Variants in YIPF4 observed in about 807,000 individuals in gnomAD.
The protein encoded by YIPF4 is Yip1 domain family member 4.
A neutral mutation model predicts 29.4 loss-of-function variants in YIPF4; 18 were observed. The ratio of observed to expected loss-of-function variants is 0.61; its 90% CI spans 0.42 to 0.91. The LOEUF is 0.91. Ranked by LOEUF, YIPF4 falls within the 40% of genes least tolerant of loss-of-function variation. The pLI is 0.00. For synonymous variants in YIPF4, 115 were observed against 104.7 expected, an observed-to-expected ratio of 1.10 and a Z score of -0.60; for missense variants, 279 against 282.7, an observed-to-expected ratio of 0.99 and a Z score of 0.09.
At chr2:32,297,478 G>C (rs2031237532) in intron 3 of YIPF4, among the ~76,000 whole-genome samples, 1 of 151,918 alleles carries the variant, frequency 6.6e-6, no homozygotes, top group Middle Eastern at 3.2e-3. Context: ...TTAGAAACCA[G>C]TTTCTGGGGT....
In YIPF4 at chr2:32,312,968, G is replaced by C. The variant is rs932297737; in HGVS notation, c.*7342G>C. 1.3e-4 allele frequency: 20 copies of C among 152,292 alleles called. No individual in the cohort carries two copies. The highest frequency in any genetic ancestry group is 4.8e-4 in the African/African-American group (20 of 41,424). 9.4% of individuals were successfully genotyped at this position (152,292 alleles called of 1,614,324 possible). On this transcript the variant is annotated 3_prime_UTR_variant, in exon 6 of 6. Transcript: ENST00000238831. ...ATCGCGCCACTGCACTCCCGCCTGG[G>C]TGACAGAGCGAGACTCTGTCTCAAA...
intron 1 of YIPF4, among the ~76,000 whole-genome samples, chr2:32,284,772 C>T (rs2030583094): frequency 1.3e-5 from 2 of 152,120 alleles, no homozygotes; most frequent in Non-Finnish European, 2.9e-5. Flanking sequence ...TTGGAGGAAA[C>T]AGCCTGGCAC....
At chr2:32,304,780 C>T (rs2031520620) in intron 5 of YIPF4, among the ~76,000 whole-genome samples, 1 of 152,080 alleles carries the variant, frequency 6.6e-6, no homozygotes, top group Non-Finnish European at 1.5e-5. Context: ...TAATTTTATG[C>T]TATAAAATGT....
chr2:32,305,691 G>T lies in YIPF4; in HGVS notation c.*65G>T, dbSNP rs1483482469. ...TGTGTGTAGGCTGGGAATTCTTGCT[G>T]AAGGAATTGGAGAAAACCTGTTGCT... On this transcript the variant is annotated 3_prime_UTR_variant, in exon 6 of 6. Transcript: ENST00000238831. The T allele has an allele frequency of 1.0e-5, 14 of 1,354,096 alleles. No individual in the cohort carries two copies. The highest frequency in any genetic ancestry group is 1.3e-5 in the Non-Finnish European group (14 of 1,048,942). The allele number at this position is 1,354,096 out of a possible 1,614,324, so 83.9% of individuals were successfully genotyped here.
At chr2:32,297,456 A>T (rs2031237042) in intron 3 of YIPF4, among the ~76,000 whole-genome samples, 1 of 151,996 alleles carries the variant, frequency 6.6e-6, no homozygotes, top group Non-Finnish European at 1.5e-5. Flanking sequence ...TCCTTTAATT[A>T]GGAAATGATA....
rs943813424 is a variant in YIPF4, at chr2:32,312,703, C to A, written c.*7077C>A. 4.6e-5 allele frequency: 7 copies of A among 151,630 alleles called. No homozygotes were observed. The highest frequency in any genetic ancestry group is 7.3e-5 in the Non-Finnish European group (5 of 68,032). 9.4% of individuals were successfully genotyped at this position (151,630 alleles called of 1,614,324 possible). On this transcript the variant is annotated 3_prime_UTR_variant, in exon 6 of 6. Coordinates refer to ENST00000238831, the MANE Select transcript of YIPF4 (RefSeq NM_032312.4). ...GATACAGTGATAATGCAAAAAAGAC[C>A]CCCAATAGGCCGGGCGCGGTGGCTC...
chr2:32,306,003 T>A lies in YIPF4; in HGVS notation c.*377T>A. On this transcript the variant is annotated 3_prime_UTR_variant, in exon 6 of 6. Coordinates refer to ENST00000238831, the MANE Select transcript of YIPF4 (RefSeq NM_032312.4). ...TTGATAATCAAAAGTGCAATTTTTT[T>A]CTTCAAAATGTTTTCTCCAGCATCA... The A allele has an allele frequency of 1.0e-6, 1 of 983,832 alleles. No individual in the cohort carries two copies. Among genetic ancestry groups the A allele is most frequent in the Non-Finnish European group, 1.2e-6 (1 of 828,202 alleles). The allele number at this position is 983,832 out of a possible 1,614,324, so 60.9% of individuals were successfully genotyped here.
rs2031664358 is a variant in YIPF4 at position 32,309,219 on chromosome 2, C to T, written c.*3593C>T. On this transcript the variant is annotated 3_prime_UTR_variant, in exon 6 of 6. Coordinates refer to ENST00000238831, the MANE Select transcript of YIPF4 (RefSeq NM_032312.4). ...AAATACTCATACAGCCATTGAGCACCCCAATCCAAAATTCAGAATGCTTCA... is the reference window on the plus strand; with the variant it reads ...AAATACTCATACAGCCATTGAGCACTCCAATCCAAAATTCAGAATGCTTCA... 6.6e-6 allele frequency: 1 copy of T among 152,128 alleles called. No homozygotes were observed. The allele number at this position is 152,128 out of a possible 1,614,324, so 9.4% of individuals were successfully genotyped here. A position where few individuals can be genotyped will look rare whatever the true frequency, so the allele number is the denominator to read the frequency against.
intron 1 of YIPF4, among the ~76,000 whole-genome samples, chr2:32,282,668 G>A (rs544969548): frequency 2.6e-5 from 4 of 152,060 alleles, no homozygotes; most frequent in Admixed American, 6.5e-5. Flanking sequence ...TCCTGACCTC[G>A]TGATCCACCC....
At chr2:32,286,065 T>C (rs2030657270) in intron 1 of YIPF4, among the ~76,000 whole-genome samples, 1 of 152,138 alleles carries the variant, frequency 6.6e-6, no homozygotes, top group Non-Finnish European at 1.5e-5. Flanking sequence ...TTAAACAAGG[T>C]TTACTTTTTT....
chr2:32,281,399 G>A (rs1292175340), intron 1 of YIPF4, among the ~76,000 whole-genome samples: 7 of 152,048 alleles, frequency 4.6e-5, no homozygotes, highest in Non-Finnish European at 1.0e-4. Context: ...ACGCCACCAT[G>A]CCTGGTTAAT....
intron 3 of YIPF4, among the ~76,000 whole-genome samples, chr2:32,293,988 G>A (rs1455747919): frequency 9.6e-5 from 14 of 146,424 alleles, no homozygotes; most frequent in Non-Finnish European, 1.7e-4. Context: ...GGCTGGGCAG[G>A]GGGCTGATCC....
In YIPF4 at chr2:32,315,963, T is replaced by C. The variant is rs2031821513; in HGVS notation, c.*10337T>C. On this transcript the variant is annotated 3_prime_UTR_variant, in exon 6 of 6. Coordinates refer to ENST00000238831, the MANE Select transcript of YIPF4 (RefSeq NM_032312.4). ...GGGAGGCAAGAGGCAGGAGCATAGCTTGAGCCCAGGCGTTCAAGACCTGCC... is the reference window on the plus strand; with the variant it reads ...GGGAGGCAAGAGGCAGGAGCATAGCCTGAGCCCAGGCGTTCAAGACCTGCC... 1 of 150,094 alleles carries C rather than the reference T, an allele frequency of 6.7e-6. No homozygotes were observed. The highest frequency in any genetic ancestry group is 2.5e-5 in the African/African-American group (1 of 40,640). The allele number at this position is 150,094 out of a possible 1,614,324, so 9.3% of individuals were successfully genotyped here.
intron 3 of YIPF4, among the ~76,000 whole-genome samples, chr2:32,294,800 A>C (rs1241132653): frequency 1.3e-5 from 2 of 152,230 alleles, no homozygotes; most frequent in African/African-American, 4.8e-5. Flanking sequence ...TGAACCAGAC[A>C]CCGTCTGCAA....
At chr2:32,288,279 A>G (rs2030761349) in intron 1 of YIPF4, among the ~76,000 whole-genome samples, 1 of 152,016 alleles carries the variant, frequency 6.6e-6, no homozygotes, top group Non-Finnish European at 1.5e-5. Flanking sequence ...TGCCTTTTTG[A>G]GGTTCTTGCA....
chr2:32,291,289 C>T (rs1355534926), intron 2 of YIPF4, among the ~76,000 whole-genome samples: 1 of 152,186 alleles, frequency 6.6e-6, no homozygotes, highest in African/African-American at 2.4e-5. Flanking sequence ...AATCCCGGCA[C>T]TTTGGGAGGC....
intron 3 of YIPF4, among the ~76,000 whole-genome samples, chr2:32,295,621 T>C (rs556194489): frequency 8.5e-5 from 13 of 152,278 alleles, no homozygotes; most frequent in African/African-American, 1.4e-4. Flanking sequence ...TCTTTTTTTT[T>C]AGACGGAGTT....
chr2:32,289,034 T>A (rs2030803606), intron 1 of YIPF4, among the ~76,000 whole-genome samples: 1 of 152,232 alleles, frequency 6.6e-6, no homozygotes, highest in African/African-American at 2.4e-5. Flanking sequence ...CTCTCTCATT[T>A]CAACTTAGAC....
At position 32,306,338 on chromosome 2, in the gene YIPF4, A is replaced by C. The variant is rs185090047; in HGVS notation, c.*712A>C. On this transcript the variant is annotated 3_prime_UTR_variant, in exon 6 of 6. Coordinates refer to ENST00000238831, the MANE Select transcript of YIPF4 (RefSeq NM_032312.4). ...TTTTCAAAACCATTTTTGAATGTCCAAACATCTGATTTAAAGTTTCTGTTT... is the reference window on the plus strand; with the variant it reads ...TTTTCAAAACCATTTTTGAATGTCCCAACATCTGATTTAAAGTTTCTGTTT... 1.0e-6 allele frequency: 1 copy of C among 985,810 alleles called. No homozygotes were observed. 61.1% of individuals were successfully genotyped at this position (985,810 alleles called of 1,614,324 possible). A position where few individuals can be genotyped will look rare whatever the true frequency, so the allele number is the denominator to read the frequency against.
Sources: allele counts gnomAD v4.1 joint callset (sites outside exome capture counted in the v4.1 genomes callset), GRCh38; gene constraint gnomAD v4.1.1; transcripts MANE v1.5; gene names NCBI Gene and HGNC (gene_info 2026-07-23, HGNC 2026-07-21).